Variants in STRA6 observed in about 807,000 individuals in gnomAD.
The protein encoded by STRA6 is receptor for retinol uptake STRA6.
In STRA6, 48 loss-of-function variants were observed where a neutral mutation model predicts 83.6. The ratio of observed to expected loss-of-function variants is 0.57; its 90% confidence interval spans 0.46 to 0.73. The LOEUF is 0.73. Ranked by LOEUF, STRA6 falls within the 30% of genes least tolerant of loss-of-function variation. The pLI is 0.00. For synonymous variants in STRA6, 353 were observed against 362.3 expected (o/e 0.97, Z 0.29); for missense variants, 760 against 838.8 (o/e 0.91, Z 1.16).
At chr15:74,197,841 C>G (rs930133175) in intron 2 of STRA6, 23 bp from the exon 3 acceptor site, 6 of 1,611,254 alleles carry the variant, frequency 3.7e-6, no homozygotes, top group Middle Eastern at 1.7e-4. Context: ...TGAAGGCTGG[C>G]TCAGGCCTGC....
At chr15:74,209,835 G>A (rs1023337724), upstream of STRA6, 1 of 176,114 alleles carries the variant, frequency 5.7e-6, no homozygotes, top group Non-Finnish European at 1.2e-5. Context: ...CAGGGAGAGA[G>A]TAGATAAAGG....
chr15:74,200,081 G>A (rs570605565), intron 2 of STRA6, among the ~76,000 whole-genome samples: 87 of 152,236 alleles, frequency 5.7e-4, no homozygotes, highest in African/African-American at 1.3e-3. Context: ...TTAGCTGGGC[G>A]TGGTGGCACG....
rs765716879 is a variant in STRA6 at position 74,181,276 on chromosome 15, C to T, written c.1684+19G>A. ...TTGGGTAGCCTGAGCAATCCTCCAG[C>T]CCCGCCCAGTGACCTTACCGGGGTC... On this transcript the variant is annotated intron_variant, in intron 17 of 18. Transcript: ENST00000395105. The T allele has an allele frequency of 2.5e-6, 4 of 1,611,864 alleles. No individual in the cohort carries two copies. The highest frequency in any genetic ancestry group is 2.5e-6 in the Non-Finnish European group (3 of 1,179,682).
At chr15:74,187,032 T>C (rs1309369303) in intron 12 of STRA6, among the ~76,000 whole-genome samples, 1 of 152,216 alleles carries the variant, frequency 6.6e-6, no homozygotes, top group Non-Finnish European at 1.5e-5. Context: ...TGTGCATGCA[T>C]AGCTCCAGCC....
chr15:74,208,154 C>G, intron 1 of STRA6: 1 of 791,588 alleles, frequency 1.3e-6, no homozygotes, highest in Non-Finnish European at 1.6e-6. Context: ...CTTTCCCTCC[C>G]AGAGGGCTAG....
chr15:74,191,603 T>G, intron 8 of STRA6, 112 bp from the exon 9 acceptor site: 3 of 940,530 alleles, frequency 3.2e-6, no homozygotes, highest in Non-Finnish European at 5.1e-6. Flanking sequence ...AAAAACCTGT[T>G]GGCCATGGCG....
intron 13 of STRA6, 91 bp from the exon 14 acceptor site, chr15:74,184,080 T>C (rs764644793): frequency 1.0e-5 from 16 of 1,568,306 alleles, no homozygotes; most frequent in Admixed American, 3.5e-5. Context: ...AAACTCCCAA[T>C]AGAATTTCAA....
chr15:74,202,583 C>T, intron 1 of STRA6, 130 bp downstream of exon 1: 4 of 1,468,256 alleles, frequency 2.7e-6, no homozygotes, highest in Non-Finnish European at 2.7e-6. Flanking sequence ...GCGCATCTGT[C>T]TGACCAACCA....
chr15:74,204,596 C>T (rs1017432200), upstream of STRA6, among the ~76,000 whole-genome samples: 3 of 152,234 alleles, frequency 2.0e-5, no homozygotes. Context: ...ACTCCCTCTA[C>T]AAGGCAGCAG....
At chr15:74,209,065 T>C, upstream of STRA6, 2 of 1,219,924 alleles carry the variant, frequency 1.6e-6, no homozygotes, top group East Asian at 4.3e-5. Context: ...CCTTCTCCAG[T>C]CTGGCTCTGC....
upstream of STRA6, chr15:74,207,711 C>A (rs1220800267): frequency 3.9e-6 from 6 of 1,535,598 alleles, no homozygotes; most frequent in East Asian, 4.9e-5. Flanking sequence ...GCAGCCCAGT[C>A]CCCTTGAGAG....
At chr15:74,190,769 G>A in intron 11 of STRA6, 71 bp downstream of exon 11, 1 of 1,610,502 alleles carries the variant, frequency 6.2e-7, no homozygotes, top group Non-Finnish European at 8.5e-7. Context: ...GGTTGGGCCG[G>A]AACTGCTCCA....
upstream of STRA6, among the ~76,000 whole-genome samples, chr15:74,206,081 C>T (rs918126792): frequency 1.3e-5 from 2 of 152,206 alleles, no homozygotes; most frequent in Non-Finnish European, 2.9e-5. Context: ...CTCTCAAATC[C>T]GGCCTGGAGA....
At chr15:74,202,909 G>T, upstream of STRA6, 1 of 990,904 alleles carries the variant, frequency 1.0e-6, no homozygotes, top group Non-Finnish European at 1.2e-6. Context: ...CCCCCCTCCT[G>T]GGGGAGGAGG....
chr15:74,189,464 A>G (rs767100138), intron 11 of STRA6, among the ~76,000 whole-genome samples, 187 bp from the exon 12 acceptor site: 8 of 152,170 alleles, frequency 5.3e-5, no homozygotes, highest in Non-Finnish European at 8.8e-5. Context: ...GACAGGTGCA[A>G]TCACAGCCTA....
chr15:74,181,246 A>G (rs761122376), intron 17 of STRA6, 49 bp downstream of exon 17: 3 of 1,606,530 alleles, frequency 1.9e-6, no homozygotes, highest in Admixed American at 3.4e-5. Context: ...TGCCTTCCTC[A>G]CTGCTTGGGT....
rs963964695 is a variant in STRA6 at position 74,188,722 on chromosome 15, C to G, written c.1090+393G>C. On this transcript the variant is annotated intron_variant, in intron 12 of 18. Coordinates refer to ENST00000395105, the MANE Select transcript of STRA6 (RefSeq NM_022369.4). The surrounding 1 kb of genome is among the most constrained non-coding windows in gnomAD (Gnocchi z 4.5). ...AAGAGAAAGCCTGTGCCCTGCCCAA[C>G]GCCAGACCCCTGCCACGAGGATTCG... Among the ~76,000 whole-genome samples, 1 of 152,172 alleles carries G rather than the reference C, an allele frequency of 6.6e-6. No homozygotes were observed. The highest frequency in any genetic ancestry group is 1.5e-5 in the Non-Finnish European group (1 of 68,028).
chr15:74,202,946 C>T (rs2074152993), upstream of STRA6: 1 of 988,284 alleles, frequency 1.0e-6, no homozygotes, highest in Non-Finnish European at 1.2e-6. Context: ...GGCCTGAGCC[C>T]TGCAAGGGTG....
At chr15:74,191,570 T>A (rs2073541644) in intron 8 of STRA6, 79 bp from the exon 9 acceptor site, 12 of 1,265,130 alleles carry the variant, frequency 9.5e-6, no homozygotes, top group Middle Eastern at 3.7e-4. Context: ...GGAACTAGAG[T>A]GTTCACCAAG....
Sources: gnomAD v4.1 joint callset for allele counts (sites outside exome capture counted in the v4.1 genomes callset) on GRCh38, gnomAD v4.1.1 for gene constraint, Gnocchi (gnomAD v3.1) non-coding constraint, MANE v1.5 for transcripts, NCBI Gene and HGNC (gene_info 2026-07-23, HGNC 2026-07-21) for gene names.